The following DDR1 variants were observed in gnomAD, a reference collection of about 807,000 sequenced individuals.
The protein encoded by DDR1 is epithelial discoidin domain-containing receptor 1.
DDR1 carries 64 observed loss-of-function variants against 97.4 expected under a neutral mutation model. The ratio of observed to expected loss-of-function variants is 0.66; its 90% confidence interval spans 0.54 to 0.81. The LOEUF (loss-of-function observed/expected upper bound fraction) is 0.81, where lower values mean the gene tolerates loss of function less well. DDR1 is among the 30% of genes least tolerant of loss of function. The pLI, the probability that DDR1 is intolerant of heterozygous loss-of-function variation, is 0.00. For missense variants in DDR1, 990 were observed against 1,259.6 expected (o/e 0.79, Z 3.24); for synonymous variants, 458 against 503.7 (o/e 0.91, Z 1.21).
chr6:30,896,148 T>C (rs1432595570), intron 12 of DDR1, among the ~76,000 whole-genome samples: 1 of 150,894 alleles, frequency 6.6e-6, no homozygotes, highest in Non-Finnish European at 1.5e-5. Context: ...GTTGAAAGGG[T>C]TGGGAGGGCT....
Position 30,890,541 on chromosome 6 carries a change from T to C in DDR1, c.418-432T>C, listed in dbSNP as rs781723613. ...ATCTCAGTCCTACAAGGGTGGGGAG[T>C]GACGTTCACCACTGAGAACGCGCCT... is the stretch of plus-strand genomic sequence containing the variant. On this transcript the variant is annotated intron_variant, in intron 4 of 17. Coordinates refer to ENST00000376568, the MANE Select transcript of DDR1 (RefSeq NM_001297654.2). This position sits in a 1 kb window ranked among gnomAD's most constrained non-coding sequence, Gnocchi z 5.0. The C allele has an allele frequency of 6.0e-6, 1 of 165,404 alleles. No individual in the cohort carries two copies. Among genetic ancestry groups the C allele is most frequent in the Non-Finnish European group, 1.3e-5 (1 of 77,760 alleles). 10.2% of individuals were successfully genotyped at this position (165,404 alleles called of 1,614,324 possible).
chr6:30,894,174 G>A lies in DDR1; in HGVS notation c.1348-332G>A, dbSNP rs1269585912. Reference sequence around the variant, plus strand: ...TGAGGCATGAATCTCTTGAACCTGGGAGGCGAAGGTTGCAGTGAGCTGAGA... The same window carrying A: ...TGAGGCATGAATCTCTTGAACCTGGAAGGCGAAGGTTGCAGTGAGCTGAGA... On this transcript the variant is annotated intron_variant, in intron 10 of 17. Coordinates refer to ENST00000376568, the MANE Select transcript of DDR1 (RefSeq NM_001297654.2). This position sits in a 1 kb window ranked among gnomAD's most constrained non-coding sequence, Gnocchi z 5.7. 1.3e-5 allele frequency among the ~76,000 whole-genome samples: 2 copies of A among 152,044 alleles called. No homozygotes were observed. Among genetic ancestry groups the A allele is most frequent in the Non-Finnish European group, 2.9e-5 (2 of 68,008 alleles).
In DDR1 at chr6:30,889,502, T is replaced by A; in HGVS notation, c.417+72T>A. The A allele has an allele frequency of 8.9e-7, 1 of 1,127,066 alleles. No individual in the cohort carries two copies. The highest frequency in any genetic ancestry group is 1.2e-6 in the Non-Finnish European group (1 of 816,728). 69.8% of individuals were successfully genotyped at this position (1,127,066 alleles called of 1,614,324 possible). A position where few individuals can be genotyped will look rare whatever the true frequency, so the allele number is the denominator to read the frequency against. ...TTCCAGCTGTACTTTAAACACCACC[T>A]ATACGCTGACGACTCTCCAGTTTAT... On this transcript the variant is annotated intron_variant, in intron 4 of 17. Transcript: ENST00000376568. This position sits in a 1 kb window ranked among gnomAD's most constrained non-coding sequence, Gnocchi z 4.9.
At chr6:30,885,186 C>CG (rs998704904) in intron 1 of DDR1, 14 of 1,531,522 alleles carry the variant, frequency 9.1e-6, no homozygotes, top group Non-Finnish European at 1.1e-5. Flanking sequence ...CCACTCTTCC[C>CG]GGCTGGATGG....
chr6:30,885,351 G>A lies in DDR1; in HGVS notation c.-43+641G>A, dbSNP rs537584181. Reference sequence around the variant, plus strand: ...GCTCGCTGGCTGTTGCTGAGGGCCTGTAGGTGTGTCCAGGACTGAGTGGTG... The same window carrying A: ...GCTCGCTGGCTGTTGCTGAGGGCCTATAGGTGTGTCCAGGACTGAGTGGTG... On this transcript the variant is annotated intron_variant, in intron 1 of 17. Coordinates refer to ENST00000376568, the MANE Select transcript of DDR1 (RefSeq NM_001297654.2). 53 of 1,261,960 alleles carry A rather than the reference G, an allele frequency of 4.2e-5. No homozygotes were observed. In the African/African-American group the frequency reaches 7.1e-4, roughly 17 times the overall value. The allele number at this position is 1,261,960 out of a possible 1,614,324, so 78.2% of individuals were successfully genotyped here.
chr6:30,882,331 G>C (rs551099932), upstream of DDR1, among the ~76,000 whole-genome samples: 4 of 152,358 alleles, frequency 2.6e-5, no homozygotes, highest in African/African-American at 7.2e-5. The surrounding 1 kb of genome is among the most constrained non-coding windows in gnomAD (Gnocchi z 4.8). Context: ...GCCCAGGATG[G>C]GAGGGGATGG....
chr6:30,891,562 T>TGTGA lies in DDR1; in HGVS notation c.665+86_665+87insAGTG. 1.2e-5 allele frequency: 8 copies of TGTGA among 691,582 alleles called. No homozygotes were observed. Among genetic ancestry groups the TGTGA allele is most frequent in the Admixed American group, 2.7e-5 (1 of 37,080 alleles). 42.8% of individuals were successfully genotyped at this position (691,582 alleles called of 1,614,324 possible). A position where few individuals can be genotyped will look rare whatever the true frequency, so the allele number is the denominator to read the frequency against. On this transcript the variant is annotated intron_variant, in intron 6 of 17. Transcript: ENST00000376568. This position sits in a 1 kb window ranked among gnomAD's most constrained non-coding sequence, Gnocchi z 5.3. ...GTGTGTGTGTGTGTGTGTGTGAGAGTGTGTGTGTGTAGGGGGGCTGGTAAG... is the reference window on the plus strand; with the variant it reads ...GTGTGTGTGTGTGTGTGTGTGAGAGTGTGAGTGTGTGTGTAGGGGGGCTGGTAAG...
At chr6:30,893,247 G>T in intron 9 of DDR1, 25 bp from the exon 10 acceptor site, 2 of 1,601,564 alleles carry the variant, frequency 1.2e-6, no homozygotes, top group Non-Finnish European at 8.5e-7. Context: ...CCCTCCTGTG[G>T]TGCTGACCCT....
chr6:30,882,430 C>A (rs1784449863), upstream of DDR1, among the ~76,000 whole-genome samples: 1 of 152,154 alleles, frequency 6.6e-6, no homozygotes, highest in South Asian at 2.1e-4. The surrounding 1 kb of genome is among the most constrained non-coding windows in gnomAD (Gnocchi z 4.8). Flanking sequence ...CTGGGGACCA[C>A]GGATGGGTAA....
Position 30,899,393 on chromosome 6 carries a change from C to G in DDR1, c.*97C>G. ...CAATGGCACCTCTGCCCTTCCCCTC[C>G]CGACAGCCCATCACCTCTAATAGAG... On this transcript the variant is annotated 3_prime_UTR_variant, in exon 18 of 18. Transcript: ENST00000376568. 4.1e-6 allele frequency: 6 copies of G among 1,469,056 alleles called. No homozygotes were observed. The highest frequency in any genetic ancestry group is 4.6e-6 in the Non-Finnish European group (5 of 1,096,110). 91.0% of individuals were successfully genotyped at this position (1,469,056 alleles called of 1,614,324 possible).
chr6:30,895,576 GCCCTCACA>G (rs1421051764), intron 12 of DDR1, 62 bp downstream of exon 12: 7 of 1,075,708 alleles, frequency 6.5e-6, no homozygotes, highest in African/African-American at 6.3e-5. Context: ...GCAGGGAAAA[GCCCTCACA>G]CCTTGCACTT....
chr6:30,891,019 T>C lies in DDR1; in HGVS notation c.464T>C (p.Leu155Pro), dbSNP rs1787921523. 3 of 1,612,678 alleles carry C rather than the reference T, an allele frequency of 1.9e-6. No homozygotes were observed. The highest frequency in any genetic ancestry group is 2.5e-6 in the Non-Finnish European group (3 of 1,179,876). The change falls in exon 5 of 18, where the codon CTT (leucine) becomes CCT (proline). Residue 155 changes from leucine (L) to proline (P), a missense_variant. Transcript: ENST00000376568. The surrounding 1 kb of genome is among the most constrained non-coding windows in gnomAD (Gnocchi z 5.3). The stretch of plus-strand genomic sequence containing the variant: ...CCTGAGGGAGTGGTGCTGAAGGACC[T>C]TGGGCCCCCCATGGTTGCCCGACTG... ...EDPEGVVLKD[L>P]GPPMVARLVR... is the part of the protein sequence containing the mutation.
chr6:30,898,745 C>T (rs769122008), intron 16 of DDR1, 143 bp from the exon 17 acceptor site: 21 of 857,470 alleles, frequency 2.4e-5, no homozygotes, highest in East Asian at 4.9e-5. Context: ...AGGTGGCCAG[C>T]GGAGGAGAGT....
rs201632163 is a variant in DDR1 at position 30,899,004 on chromosome 6, C to T, written c.2568C>T (p.Asn856=). The change falls in exon 17 of 18, where the codon AAC becomes AAT. Residue 856 remains asparagine (N), a synonymous_variant. Transcript: ENST00000376568. ...TCACCGACGAGCAGGTCATCGAGAA[C>T]GCGGGGGAGTTCTTCCGGGACCAGG... ...GQLTDEQVIE[N]AGEFFRDQGR... is the part of the protein sequence containing the mutation. 68 of 1,613,762 alleles carry T rather than the reference C, an allele frequency of 4.2e-5. 1 individual carries two copies. The Admixed American group carries it at 4.3e-4, about 10-fold the overall frequency.
At chr6:30,887,800 A>G (rs1018247061) in intron 1 of DDR1, among the ~76,000 whole-genome samples, 7 of 152,036 alleles carry the variant, frequency 4.6e-5, no homozygotes, top group African/African-American at 1.2e-4. Flanking sequence ...GGGTCTCACT[A>G]TGTTCACCAG....
rs370575451 is a variant in DDR1 at position 30,885,187 on chromosome 6, G to A, written c.-43+477G>A. On this transcript the variant is annotated intron_variant, in intron 1 of 17. Transcript: ENST00000376568. Reference sequence around the variant, plus strand: ...ACCCACCAGTGACACCACTCTTCCCGGCTGGATGGTCAATTAGCTCTGGCA... The same window carrying A: ...ACCCACCAGTGACACCACTCTTCCCAGCTGGATGGTCAATTAGCTCTGGCA... 7.3e-5 allele frequency: 112 copies of A among 1,531,358 alleles called. No individual in the cohort carries two copies. In the South Asian group the frequency reaches 9.3e-4, roughly 13 times the overall value. 94.9% of individuals were successfully genotyped at this position (1,531,358 alleles called of 1,614,324 possible). A position where few individuals can be genotyped will look rare whatever the true frequency, so the allele number is the denominator to read the frequency against.
chr6:30,884,206 C>G (rs1784878153), upstream of DDR1: 1 of 147,682 alleles, frequency 6.8e-6, no homozygotes, highest in Non-Finnish European at 1.5e-5. This position sits in a 1 kb window ranked among gnomAD's most constrained non-coding sequence, Gnocchi z 6.1. Flanking sequence ...GGCGCGGAGC[C>G]GGCCGGAGGC....
In DDR1 at chr6:30,897,267, G is replaced by A. The variant is rs920961021; in HGVS notation, c.1998-112G>A. 9.5e-6 allele frequency: 14 copies of A among 1,470,966 alleles called. No homozygotes were observed. The highest frequency in any genetic ancestry group is 1.4e-5 in the African/African-American group (1 of 71,180). The allele number at this position is 1,470,966 out of a possible 1,614,324, so 91.1% of individuals were successfully genotyped here. A position where few individuals can be genotyped will look rare whatever the true frequency, so the allele number is the denominator to read the frequency against. ...TCTCTGGGAGGGGATTTACATGTAC[G>A]CTGGGGGTGGGGACGCCTGGTCTGC... On this transcript the variant is annotated intron_variant, in intron 14 of 17. Transcript: ENST00000376568. The surrounding 1 kb of genome is among the most constrained non-coding windows in gnomAD (Gnocchi z 5.2).
intron 1 of DDR1, chr6:30,885,330 G>C: frequency 7.0e-7 from 1 of 1,422,408 alleles, no homozygotes; most frequent in African/African-American, 1.4e-5. Context: ...GCCCAAGCTC[G>C]CTGGCTGTTG....
Sources: gnomAD v4.1 joint callset for allele counts (sites outside exome capture counted in the v4.1 genomes callset) on GRCh38, gnomAD v4.1.1 for gene constraint, Gnocchi (gnomAD v3.1) non-coding constraint, MANE v1.5 for transcripts, NCBI Gene and HGNC (gene_info 2026-07-23, HGNC 2026-07-21) for gene names.